The following ZNF837 variants were observed in gnomAD, a reference collection of about 807,000 sequenced individuals.
ZNF837 encodes the protein zinc finger protein 837.
For synonymous variants in ZNF837, 475 were observed against 365.2 expected (o/e 1.30, Z -3.43); for missense variants, 955 against 801.7 (o/e 1.19, Z -2.31).
rs746798871 is a variant in ZNF837 at position 58,367,736 on chromosome 19, G to A, written c.*1C>T. On this transcript the variant is annotated 3_prime_UTR_variant, in exon 3 of 3. Transcript: ENST00000597582. ...ACGCGTCGACTCTCGGCTCCCTGCA[G>A]TCAAGGCGCGGCGCGGCCCCCGTGC... 4.0e-6 allele frequency: 6 copies of A among 1,513,248 alleles called. No homozygotes were observed. Among genetic ancestry groups the A allele is most frequent in the Non-Finnish European group, 5.3e-6 (6 of 1,137,522 alleles). 93.7% of individuals were successfully genotyped at this position (1,513,248 alleles called of 1,614,324 possible).
In ZNF837 at chr19:58,369,326, C is replaced by G. The variant is rs1329114184; in HGVS notation, c.7G>C (p.Ala3Pro). The G allele has an allele frequency of 1.1e-5, 15 of 1,362,550 alleles. No homozygotes were observed. The East Asian group carries it at 2.1e-4, about 19-fold the overall frequency. The allele number at this position is 1,362,550 out of a possible 1,614,324, so 84.4% of individuals were successfully genotyped here. Residue 3 changes from alanine (A) to proline (P), a missense_variant, in exon 3 of 3, where the codon GCT (alanine) becomes CCT (proline). Ala to Pro is a conservative substitution (Grantham distance 27, BLOSUM62 -1). Coordinates refer to ENST00000597582, the MANE Select transcript of ZNF837 (RefSeq NM_138466.2). ME[A>P]PAQKAGQGGL... is the part of the protein sequence containing the mutation. ...CCCTGCCCAGCCTTCTGGGCTGGAGCCTCCATCCTGGGGCGCAGAGTTCTG... is the reference window on the plus strand; with the variant it reads ...CCCTGCCCAGCCTTCTGGGCTGGAGGCTCCATCCTGGGGCGCAGAGTTCTG...
chr19:58,376,999 C>T (rs150752046), intron 1 of ZNF837, among the ~76,000 whole-genome samples: 7,342 of 151,810 alleles, frequency 0.048, 227 homozygotes, highest in Non-Finnish European at 0.073. Context: ...GGGTGGATCA[C>T]GAGGTCAGGA....
At chr19:58,369,392 C>G in intron 2 of ZNF837, 31 bp from the exon 3 acceptor site, 1 of 1,314,882 alleles carries the variant, frequency 7.6e-7, no homozygotes, top group Non-Finnish European at 9.7e-7. Flanking sequence ...TGGAGGTTGG[C>G]GGTTCCCAGG....
At chr19:58,374,963 A>T (rs1457143008) in intron 1 of ZNF837, among the ~76,000 whole-genome samples, 2 of 149,276 alleles carry the variant, frequency 1.3e-5, no homozygotes, top group African/African-American at 5.0e-5. Context: ...ATATATACAC[A>T]CACACAAAAA....
chr19:58,370,849 C>T (rs1027918663), intron 1 of ZNF837, among the ~76,000 whole-genome samples: 6 of 150,020 alleles, frequency 4.0e-5, no homozygotes, highest in Admixed American at 6.7e-5. Context: ...TAGCCGAGAT[C>T]GCACCATTGC....
In ZNF837 at chr19:58,376,304, G is replaced by A. The variant is rs895325246; in HGVS notation, c.-140+4637C>T. ...GCGGTGGCTCACGCCTGTAATTCCA[G>A]CACTTTGGGAGGCCGAGGCGGGCGG... On this transcript the variant is annotated intron_variant, in intron 1 of 2. Coordinates refer to ENST00000597582, the MANE Select transcript of ZNF837 (RefSeq NM_138466.2). Among the ~76,000 whole-genome samples the A allele has an allele frequency of 6.6e-5, 10 of 152,054 alleles. No homozygotes were observed. In the East Asian group the frequency reaches 1.7e-3, roughly 27 times the overall value.
chr19:58,378,934 A>G (rs1423158853), intron 1 of ZNF837, among the ~76,000 whole-genome samples: 2 of 152,206 alleles, frequency 1.3e-5, no homozygotes, highest in Non-Finnish European at 2.9e-5. Flanking sequence ...ACCCCCACCC[A>G]GAGCCGTCAG....
chr19:58,374,683 T>C (rs2052226983), intron 1 of ZNF837, among the ~76,000 whole-genome samples: 1 of 152,082 alleles, frequency 6.6e-6, no homozygotes, highest in Admixed American at 6.6e-5. Context: ...ACACTTGTAA[T>C]CCCCGCACTT....
intron 1 of ZNF837, among the ~76,000 whole-genome samples, chr19:58,377,432 A>C (rs1030770760): frequency 2.0e-5 from 3 of 151,846 alleles, no homozygotes; most frequent in Admixed American, 2.0e-4. Context: ...GTGAGCCGAG[A>C]TCTTGCCACT....
chr19:58,379,720 C>T (rs1844326562), intron 1 of ZNF837, among the ~76,000 whole-genome samples: 1 of 152,162 alleles, frequency 6.6e-6, no homozygotes, highest in African/African-American at 2.4e-5. Flanking sequence ...TTAACGTGGC[C>T]AAGGCTGAGC....
In ZNF837 at chr19:58,369,259, C is replaced by T; in HGVS notation, c.74G>A (p.Arg25Gln). 4 of 1,411,894 alleles carry T rather than the reference C, an allele frequency of 2.8e-6. No homozygotes were observed. The highest frequency in any genetic ancestry group is 3.7e-6 in the Non-Finnish European group (4 of 1,087,798). The allele number at this position is 1,411,894 out of a possible 1,614,324, so 87.5% of individuals were successfully genotyped here. A position where few individuals can be genotyped will look rare whatever the true frequency, so the allele number is the denominator to read the frequency against. Residue 25 changes from arginine to glutamine, a missense_variant, in exon 3 of 3, where the codon CGG becomes CAG. Coordinates refer to ENST00000597582, the MANE Select transcript of ZNF837 (RefSeq NM_138466.2). ...KADAQGASGAREKRPEEPRPL... is the reference protein window; with the variant it reads ...KADAQGASGAQEKRPEEPRPL... ...CCTCGGCTCCTCGGGCCTCTTCTCC[C>T]GGGCCCCGGAGGCACCCTGGGCATC... is the stretch of plus-strand genomic sequence containing the variant.
Position 58,368,009 on chromosome 19 carries a change from TGTGC to T in ZNF837, c.1320_1323del (p.His441ProfsTer?). 1.3e-6 allele frequency: 2 copies of T among 1,532,932 alleles called. No individual in the cohort carries two copies. Among genetic ancestry groups the T allele is most frequent in the Non-Finnish European group, 1.7e-6 (2 of 1,144,326 alleles). 95.0% of individuals were successfully genotyped at this position (1,532,932 alleles called of 1,614,324 possible). On this transcript the variant is annotated frameshift_variant, in exon 3 of 3. Transcript: ENST00000597582. LOFTEE classifies it low-confidence loss of function (END_TRUNC). ...GAGCAGCCATAGGGCCGCTCGCCGG[TGTGC>T]GCGCGCTGGTGTTGCACCAGGCCCG... is the stretch of plus-strand genomic sequence containing the variant.
At chr19:58,375,513 T>A (rs555551466) in intron 1 of ZNF837, among the ~76,000 whole-genome samples, 1 of 151,798 alleles carries the variant, frequency 6.6e-6, no homozygotes, top group East Asian at 1.9e-4. Flanking sequence ...AGTGGTGTGA[T>A]CTCAGCTCAC....
rs1427035484 is a variant in ZNF837 at position 58,368,283 on chromosome 19, C to T, written c.1050G>A (p.Arg350=). 1 of 1,481,778 alleles carries T rather than the reference C, an allele frequency of 6.7e-7. No individual in the cohort carries two copies. The highest frequency in any genetic ancestry group is 2.4e-5 in the Admixed American group (1 of 41,450). 91.8% of individuals were successfully genotyped at this position (1,481,778 alleles called of 1,614,324 possible). A position where few individuals can be genotyped will look rare whatever the true frequency, so the allele number is the denominator to read the frequency against. The change falls in exon 3 of 3, where the codon CGG becomes CGA. Residue 350 remains arginine, a synonymous_variant. Transcript: ENST00000597582. The part of the protein sequence containing the change: ...GCPPCGDYSE[R]SPRRGSGAGE... The stretch of plus-strand genomic sequence containing the variant: ...CGGCTCCCGACCCCCGTCGGGGACT[C>T]CGCTCGCTGTAGTCCCCGCAGGGCG...
In ZNF837 at chr19:58,369,242, C is replaced by T; in HGVS notation, c.91G>A (p.Glu31Lys). ...CGGTCCTCTTCGAGGGGCCTCGGCT[C>T]CTCGGGCCTCTTCTCCCGGGCCCCG... ...ASGAREKRPE[E>K]PRPLEEDRAG... The change falls in exon 3 of 3, where the codon GAG becomes AAG. Residue 31 changes from glutamate to lysine, a missense_variant. Glu to Lys is a moderately conservative substitution (Grantham distance 56, BLOSUM62 1). Transcript: ENST00000597582. 1.4e-6 allele frequency: 2 copies of T among 1,420,506 alleles called. No homozygotes were observed. The highest frequency in any genetic ancestry group is 1.5e-5 in the South Asian group (1 of 65,762). The allele number at this position is 1,420,506 out of a possible 1,614,324, so 88.0% of individuals were successfully genotyped here.
Position 58,368,248 on chromosome 19 carries a change from G to A in ZNF837, c.1085C>T (p.Pro362Leu), listed in dbSNP as rs570067673. 2 of 1,498,802 alleles carry A rather than the reference G, an allele frequency of 1.3e-6. No homozygotes were observed. Among genetic ancestry groups the A allele is most frequent in the African/African-American group, 1.4e-5 (1 of 71,240 alleles). 92.8% of individuals were successfully genotyped at this position (1,498,802 alleles called of 1,614,324 possible). Reference sequence around the variant, plus strand: ...CTTGGCGCAGTCGGCGCACTCGTACGGCTTCTCCCCGGCTCCCGACCCCCG... The same window carrying A: ...CTTGGCGCAGTCGGCGCACTCGTACAGCTTCTCCCCGGCTCCCGACCCCCG... ...PRRGSGAGEK[P>L]YECADCAKAF... is the part of the protein sequence containing the mutation. The change falls in exon 3 of 3, where the codon CCG becomes CTG. Residue 362 changes from proline to leucine, a missense_variant. By Grantham distance (98) the Pro-to-Leu change is moderately conservative. Coordinates refer to ENST00000597582, the MANE Select transcript of ZNF837 (RefSeq NM_138466.2).
chr19:58,374,812 TAG>T (rs1168340678), intron 1 of ZNF837, among the ~76,000 whole-genome samples: 9 of 151,902 alleles, frequency 5.9e-5, no homozygotes, highest in Non-Finnish European at 8.8e-5. Context: ...CACATTCCTG[TAG>T]TCCCAGCTAC....
intron 1 of ZNF837, among the ~76,000 whole-genome samples, chr19:58,371,485 A>C (rs576614638): frequency 2.0e-5 from 3 of 152,180 alleles, no homozygotes; most frequent in Non-Finnish European, 2.9e-5. Flanking sequence ...TGATAAGTGC[A>C]CAATCCTCCT....
rs2052179616 is a variant in ZNF837, at chr19:58,369,369, A to G, written c.-29-8T>C. On this transcript the variant is annotated splice_polypyrimidine_tract_variant and splice_region_variant and intron_variant, in intron 2 of 2. Transcript: ENST00000597582. ...GAGTTCTGGTTGTAGGATCTGGAAG[A>G]GCAGAGAAGAAATGGAGGTTGGCGG... 4.5e-6 allele frequency: 6 copies of G among 1,326,818 alleles called. No homozygotes were observed. The East Asian group carries it at 1.8e-4, about 40-fold the overall frequency. The allele number at this position is 1,326,818 out of a possible 1,614,324, so 82.2% of individuals were successfully genotyped here.
Sources: gnomAD v4.1 joint callset for allele counts (sites outside exome capture counted in the v4.1 genomes callset) on GRCh38, gnomAD v4.1.1 for gene constraint, MANE v1.5 for transcripts, NCBI Gene and HGNC (gene_info 2026-07-23, HGNC 2026-07-21) for gene names.